NKAIN3: variants seen among roughly 807,000 people sequenced by gnomAD.
NKAIN3 encodes the protein sodium/potassium-transporting ATPase subunit beta-1-interacting protein 3.
Under a neutral mutation model 30.2 loss-of-function variants are expected in NKAIN3, and 25 were observed. The observed-to-expected ratio is 0.83, with a 90% CI of 0.60 to 1.16. NKAIN3 has a LOEUF of 1.16. Among genes scored for constraint, NKAIN3 ranks in the 50% most tolerant of loss-of-function variants. NKAIN3 has a pLI of 0.00. For missense variants in NKAIN3, 225 were observed against 254.1 expected (o/e 0.89, Z 0.78); for synonymous variants, 91 against 89.6 (o/e 1.02, Z -0.09).
At chr8:62,643,562 C>A (rs1812373506) in intron 3 of NKAIN3, among the ~76,000 whole-genome samples, 1 of 152,068 alleles carries the variant, frequency 6.6e-6, no homozygotes, top group Non-Finnish European at 1.5e-5. Flanking sequence ...CAGCTTAATC[C>A]AAGGCCTGGA....
chr8:62,522,529 C>A (rs547549072), intron 1 of NKAIN3, among the ~76,000 whole-genome samples: 10 of 151,972 alleles, frequency 6.6e-5, no homozygotes, highest in Admixed American at 3.3e-4. Context: ...CAGAACAAGG[C>A]CTTGTTTTCA....
At chr8:62,489,732 G>A (rs4738980) in intron 1 of NKAIN3, among the ~76,000 whole-genome samples, 132,479 of 152,222 alleles carry the variant, frequency 0.87, 57,734 homozygotes, top group Middle Eastern at 0.91. Flanking sequence ...AATATAACTC[G>A]TAAGAGTTGT....
At chr8:62,825,926 C>A (rs1380727331) in intron 4 of NKAIN3, among the ~76,000 whole-genome samples, 1 of 152,088 alleles carries the variant, frequency 6.6e-6, no homozygotes, top group East Asian at 1.9e-4. Flanking sequence ...GGAAGGGCAC[C>A]GCAGCAGCCA....
chr8:62,459,369 A>T (rs764105853), intron 1 of NKAIN3, among the ~76,000 whole-genome samples: 4 of 152,174 alleles, frequency 2.6e-5, no homozygotes, highest in Non-Finnish European at 5.9e-5. Context: ...TTAGATAAGG[A>T]TGATTATTGT....
chr8:62,459,078 A>G (rs975296094), intron 1 of NKAIN3, among the ~76,000 whole-genome samples: 2 of 148,000 alleles, frequency 1.4e-5, no homozygotes, highest in Non-Finnish European at 1.5e-5. Context: ...AAAAAAGCCT[A>G]GCAAGTTTGG....
intron 3 of NKAIN3, among the ~76,000 whole-genome samples, chr8:62,724,647 C>G (rs1815197837): frequency 6.6e-6 from 1 of 151,972 alleles, no homozygotes; most frequent in Non-Finnish European, 1.5e-5. Context: ...CTTTTTGTGC[C>G]TGGCTTATTT....
intron 1 of NKAIN3, among the ~76,000 whole-genome samples, chr8:62,412,518 T>C (rs1804273234): frequency 2.0e-5 from 3 of 152,072 alleles, no homozygotes; most frequent in African/African-American, 7.2e-5. Context: ...ATCTACAGGA[T>C]GGGAGAAAAT....
chr8:62,835,838 T>C (rs1819344142), intron 4 of NKAIN3, among the ~76,000 whole-genome samples: 1 of 152,150 alleles, frequency 6.6e-6, no homozygotes, highest in African/African-American at 2.4e-5. Flanking sequence ...TTACTGGGTA[T>C]ATACCCAAAG....
chr8:62,930,835 C>A lies in NKAIN3; in HGVS notation c.532+12322C>A, dbSNP rs1464880202. Among the ~76,000 whole-genome samples, 5 of 152,060 alleles carry A rather than the reference C, an allele frequency of 3.3e-5. No homozygotes were observed. In the East Asian group the frequency reaches 9.8e-4, roughly 30 times the overall value. Reference sequence around the variant, plus strand: ...TCTCCTGCCTCAGCCTCCCGAGTAGCTGGGACTGCAGGTGCCCGCCACCAT... The same window carrying A: ...TCTCCTGCCTCAGCCTCCCGAGTAGATGGGACTGCAGGTGCCCGCCACCAT... On this transcript the variant is annotated intron_variant, in intron 5 of 6. Coordinates refer to ENST00000623646, the MANE Select transcript of NKAIN3 (RefSeq NM_001304533.3).
At chr8:62,703,679 C>G (rs1814421108) in intron 3 of NKAIN3, among the ~76,000 whole-genome samples, 1 of 152,170 alleles carries the variant, frequency 6.6e-6, no homozygotes, top group Non-Finnish European at 1.5e-5. Flanking sequence ...TTGGTTTTCT[C>G]TCTCATTTAG....
rs558485971 is a variant in NKAIN3 at position 62,549,843 on chromosome 8, G to A, written c.55-29696G>A. On this transcript the variant is annotated intron_variant, in intron 1 of 6. Transcript: ENST00000623646. Reference sequence around the variant, plus strand: ...AATACATGCACGTGCATACCTGAACGTGTATACTGTGCCATTATTCTACAC... The same window carrying A: ...AATACATGCACGTGCATACCTGAACATGTATACTGTGCCATTATTCTACAC... Among the ~76,000 whole-genome samples, 340 of 150,528 alleles carry A rather than the reference G, an allele frequency of 2.3e-3. 1 individual carries two copies. The South Asian group carries it at 0.029, about 13-fold the overall frequency.
At chr8:62,502,635 C>T (rs1807496421) in intron 1 of NKAIN3, among the ~76,000 whole-genome samples, 1 of 152,032 alleles carries the variant, frequency 6.6e-6, no homozygotes, top group Non-Finnish European at 1.5e-5. Context: ...TTCTCTGTCC[C>T]TATGTGTTCT....
intron 4 of NKAIN3, among the ~76,000 whole-genome samples, chr8:62,842,928 T>C (rs1030530970): frequency 6.6e-6 from 1 of 152,082 alleles, no homozygotes; most frequent in African/African-American, 2.4e-5. Context: ...CTCCATGACA[T>C]TGGTTTGGAC....
chr8:62,551,437 G>A (rs1809205063), intron 1 of NKAIN3, among the ~76,000 whole-genome samples: 1 of 152,152 alleles, frequency 6.6e-6, no homozygotes. Flanking sequence ...GGAGTTGTAG[G>A]AATTATGCCT....
At chr8:62,592,881 A>G (rs4483149) in intron 3 of NKAIN3, among the ~76,000 whole-genome samples, 121,021 of 151,824 alleles carry the variant, frequency 0.8, 48,364 homozygotes, top group Middle Eastern at 0.84. Context: ...TGATAACAGG[A>G]TCAATGTATT....
At chr8:62,299,818 T>C (rs1813981594) in intron 1 of NKAIN3, among the ~76,000 whole-genome samples, 1 of 152,142 alleles carries the variant, frequency 6.6e-6, no homozygotes, top group Non-Finnish European at 1.5e-5. Flanking sequence ...AAAGGCTTTA[T>C]TTTTATTGCT....
chr8:62,468,837 C>A (rs148013774), intron 1 of NKAIN3, among the ~76,000 whole-genome samples: 548 of 152,200 alleles, frequency 3.6e-3, no homozygotes, highest in Non-Finnish European at 5.6e-3. Context: ...AATTTGTCAT[C>A]CCCCGTCTTA....
chr8:62,888,065 T>A (rs551670782), intron 4 of NKAIN3, among the ~76,000 whole-genome samples: 1 of 152,324 alleles, frequency 6.6e-6, no homozygotes, highest in South Asian at 2.1e-4. Context: ...TGCGATTAAG[T>A]CTCAGTTTTT....
intron 4 of NKAIN3, among the ~76,000 whole-genome samples, chr8:62,893,769 A>G (rs1370396596): frequency 1.3e-5 from 2 of 152,238 alleles, no homozygotes; most frequent in East Asian, 3.9e-4. Context: ...GGAAATATCC[A>G]TGATCAAATG....
Sources: gnomAD v4.1 joint callset for allele counts (sites outside exome capture counted in the v4.1 genomes callset) on GRCh38, gnomAD v4.1.1 for gene constraint, MANE v1.5 for transcripts, NCBI Gene and HGNC (gene_info 2026-07-23, HGNC 2026-07-21) for gene names.